The following COL5A1 variants were observed in gnomAD, a reference collection of about 807,000 sequenced individuals.
COL5A1 encodes the protein collagen alpha-1(V) chain.
A neutral mutation model predicts 263.7 loss-of-function variants in COL5A1; 16 were observed. The ratio of observed to expected loss-of-function variants is 0.06; its 90% CI spans 0.04 to 0.09. The LOEUF (loss-of-function observed/expected upper bound fraction) is 0.09, where lower values mean the gene tolerates loss of function less well. Among genes scored for constraint, COL5A1 ranks in the 10% least tolerant of loss-of-function variants. The pLI, the probability that COL5A1 is intolerant of heterozygous loss-of-function variation, is 1.00. For synonymous variants in COL5A1, 1,012 were observed against 1,004.5 expected (o/e 1.01, Z -0.14); for missense variants, 2,036 against 2,540.5 (o/e 0.80, Z 4.27).
In COL5A1 at chr9:134,793,438, C is replaced by A. The variant is rs568491423; in HGVS notation, c.2701-1644C>A. On this transcript the variant is annotated intron_variant, in intron 32 of 65. Transcript: ENST00000371817. ...GTCACAGGGACTCGAGATTCTTTGG[C>A]TTGAGTTAGTTTATAAAGAAAACAG... Among the ~76,000 whole-genome samples, 4 of 152,150 alleles carry A rather than the reference C, an allele frequency of 2.6e-5. 1 individual carries two copies. The South Asian group carries it at 8.3e-4, about 32-fold the overall frequency.
rs879308192 is a variant in COL5A1 at position 134,652,403 on chromosome 9, T to A, written c.109+10107T>A. Among the ~76,000 whole-genome samples, 1 of 44,464 alleles carries A rather than the reference T, an allele frequency of 2.2e-5. No homozygotes were observed. Among genetic ancestry groups the A allele is most frequent in the African/African-American group, 8.5e-5 (1 of 11,698 alleles). The allele number at this position is 44,464 out of a possible 152,430, so 29.2% of individuals were successfully genotyped here. A position where few individuals can be genotyped will look rare whatever the true frequency, so the allele number is the denominator to read the frequency against. On this transcript the variant is annotated intron_variant, in intron 1 of 65. Coordinates refer to ENST00000371817, the MANE Select transcript of COL5A1 (RefSeq NM_000093.5). This position sits in a 1 kb window ranked among gnomAD's most constrained non-coding sequence, Gnocchi z 4.4. Reference sequence around the variant, plus strand: ...GAGCCATCGGGAGAGGGAGAGGGGGTGGGAGGGCAGGGGAGCGACTGTCCT... The same window carrying A: ...GAGCCATCGGGAGAGGGAGAGGGGGAGGGAGGGCAGGGGAGCGACTGTCCT...
chr9:134,720,367 G>A lies in COL5A1; in HGVS notation c.655-6899G>A, dbSNP rs575818075. Among the ~76,000 whole-genome samples the A allele has an allele frequency of 2.3e-4, 35 of 152,312 alleles. No homozygotes were observed. In the South Asian group the frequency reaches 3.7e-3, roughly 16 times the overall value. On this transcript the variant is annotated intron_variant, in intron 4 of 65. Transcript: ENST00000371817. ...CCAGCACCTCCCGCCGGCCAGTGCC[G>A]GGCAAGGCTCCACCAGGAGAGGAGG...
Position 134,811,356 on chromosome 9 carries a change from A to T in COL5A1, c.3546A>T (p.Thr1182=), listed in dbSNP as rs769868019. Residue 1182 remains threonine, a synonymous_variant, in exon 45 of 66, where the codon ACA becomes ACT. Transcript: ENST00000371817. ...DKGEQGPPGP[T]GPQGPIGQPG... ...CCCCGCAGGGTCCTCCTGGGCCTAC[A>T]GGTCCTCAAGGCCCCATCGGACAGC... 6.2e-7 allele frequency: 1 copy of T among 1,611,066 alleles called. No homozygotes were observed. The highest frequency in any genetic ancestry group is 8.5e-7 in the Non-Finnish European group (1 of 1,178,936).
intron 37 of COL5A1, among the ~76,000 whole-genome samples, chr9:134,799,261 C>T (rs879663757): frequency 1.6e-4 from 24 of 152,326 alleles, no homozygotes; most frequent in African/African-American, 4.8e-4. Flanking sequence ...ATCAGCCCTT[C>T]GAAATTTGGC....
At chr9:134,762,245 C>A (rs540384042) in intron 19 of COL5A1, among the ~76,000 whole-genome samples, 1 of 152,254 alleles carries the variant, frequency 6.6e-6, no homozygotes, top group African/African-American at 2.4e-5. Flanking sequence ...GCTCTCAGCT[C>A]TCACTGCAGG....
At chr9:134,749,601 TCTCA>T (rs1835701612) in intron 11 of COL5A1, among the ~76,000 whole-genome samples, 1 of 152,180 alleles carries the variant, frequency 6.6e-6, no homozygotes, top group Non-Finnish European at 1.5e-5. Flanking sequence ...GCAGGGAGCG[TCTCA>T]CTCAGGTGGT....
At position 134,754,416 on chromosome 9, in the gene COL5A1, C is replaced by G; in HGVS notation, c.1827+90C>G. On this transcript the variant is annotated intron_variant, in intron 16 of 65. Transcript: ENST00000371817. The surrounding 1 kb of genome is among the most constrained non-coding windows in gnomAD (Gnocchi z 4.3). ...GGGTGCGGGCACCCCCAACAGCCAG[C>G]TGGGCCACATGAAGCCAGGTGGCTC... 2 of 1,461,386 alleles carry G rather than the reference C, an allele frequency of 1.4e-6. No individual in the cohort carries two copies. Among genetic ancestry groups the G allele is most frequent in the Non-Finnish European group, 1.9e-6 (2 of 1,042,792 alleles). The allele number at this position is 1,461,386 out of a possible 1,614,324, so 90.5% of individuals were successfully genotyped here.
chr9:134,662,069 G>A (rs936639181), intron 1 of COL5A1, among the ~76,000 whole-genome samples: 5 of 149,208 alleles, frequency 3.4e-5, no homozygotes, highest in African/African-American at 1.2e-4. Context: ...CTGAGTTTAA[G>A]CCCAAATGAA....
chr9:134,781,708 G>A (rs1420741985), intron 28 of COL5A1, among the ~76,000 whole-genome samples: 2 of 152,186 alleles, frequency 1.3e-5, no homozygotes, highest in African/African-American at 2.4e-5. Context: ...CCAAGGGACC[G>A]TCTTTGTGGA....
intron 64 of COL5A1, among the ~76,000 whole-genome samples, chr9:134,832,092 C>A (rs893037371): frequency 6.6e-6 from 1 of 152,042 alleles, no homozygotes; most frequent in Non-Finnish European, 1.5e-5. Flanking sequence ...TACCAAGACT[C>A]CATCTCTATT....
rs796216814 is a variant in COL5A1 at position 134,804,673 on chromosome 9, G to A, written c.3115-302G>A. On this transcript the variant is annotated intron_variant, in intron 39 of 65. Transcript: ENST00000371817. ...GTGGAGGCTCAGGCTGTGCTCCCAC[G>A]TGTGGGCTGCTGAGTCCAGTCACGA... Among the ~76,000 whole-genome samples the A allele has an allele frequency of 1.3e-4, 20 of 152,346 alleles. 1 individual carries two copies. Among genetic ancestry groups the A allele is most frequent in the African/African-American group, 4.1e-4 (17 of 41,594 alleles).
At position 134,758,389 on chromosome 9, in the gene COL5A1, C is replaced by T; in HGVS notation, c.1935+93C>T. On this transcript the variant is annotated intron_variant, in intron 18 of 65. Transcript: ENST00000371817. The surrounding 1 kb of genome is among the most constrained non-coding windows in gnomAD (Gnocchi z 4.1). ...CTCCTTCCAGGCAGCCTCAGATTTC[C>T]TGTGGGGTCAGGTCTCCGCCATTCC... 1.5e-6 allele frequency: 2 copies of T among 1,335,992 alleles called. No individual in the cohort carries two copies. The highest frequency in any genetic ancestry group is 2.1e-6 in the Non-Finnish European group (2 of 932,942). 82.8% of individuals were successfully genotyped at this position (1,335,992 alleles called of 1,614,324 possible). A position where few individuals can be genotyped will look rare whatever the true frequency, so the allele number is the denominator to read the frequency against.
rs1367733017 is a variant in COL5A1, at chr9:134,754,547, C to T, written c.1827+221C>T. 2.0e-5 allele frequency among the ~76,000 whole-genome samples: 3 copies of T among 152,238 alleles called. No homozygotes were observed. Among genetic ancestry groups the T allele is most frequent in the African/African-American group, 7.2e-5 (3 of 41,460 alleles). On this transcript the variant is annotated intron_variant, in intron 16 of 65. Transcript: ENST00000371817. The surrounding 1 kb of genome is among the most constrained non-coding windows in gnomAD (Gnocchi z 4.3). Reference sequence around the variant, plus strand: ...CAGACACAGCGGACCAGGCCTCTTCCCTGGGCACATTCATTTAGTTTAATA... The same window carrying T: ...CAGACACAGCGGACCAGGCCTCTTCTCTGGGCACATTCATTTAGTTTAATA...
chr9:134,706,604 A>C (rs909221050), intron 4 of COL5A1, among the ~76,000 whole-genome samples: 4 of 152,168 alleles, frequency 2.6e-5, no homozygotes, highest in Non-Finnish European at 5.9e-5. Flanking sequence ...TCACTTGCCT[A>C]AGGTCACTCA....
intron 46 of COL5A1, among the ~76,000 whole-genome samples, chr9:134,811,908 A>G (rs1322313035): frequency 6.6e-6 from 1 of 152,208 alleles, no homozygotes; most frequent in East Asian, 1.9e-4. Context: ...ACATTTGGGC[A>G]TGTTTCATGG....
intron 58 of COL5A1, 56 bp from the exon 59 acceptor site, chr9:134,822,041 C>G: frequency 6.7e-7 from 1 of 1,500,682 alleles, no homozygotes. Context: ...AGGGTTGCAG[C>G]CCCGCAGCTC....
rs919643959 is a variant in COL5A1, at chr9:134,652,262, G to T, written c.109+9966G>T. On this transcript the variant is annotated intron_variant, in intron 1 of 65. Transcript: ENST00000371817. The surrounding 1 kb of genome is among the most constrained non-coding windows in gnomAD (Gnocchi z 4.4). Reference sequence around the variant, plus strand: ...GAGCAGTGGAGATACTCAGCTGAAGGTTGAGAACACACAGGGCGTCCTTGG... The same window carrying T: ...GAGCAGTGGAGATACTCAGCTGAAGTTTGAGAACACACAGGGCGTCCTTGG... 1.3e-5 allele frequency among the ~76,000 whole-genome samples: 2 copies of T among 152,180 alleles called. No homozygotes were observed. The highest frequency in any genetic ancestry group is 6.5e-5 in the Admixed American group (1 of 15,290).
rs908887036 is a variant in COL5A1 at position 134,758,486 on chromosome 9, G to T, written c.1935+190G>T. ...CCCAAGATGATGTCTTTGTTGATGG[G>T]TGGCCAGCCCAAAGGAATTGGAGCT... On this transcript the variant is annotated intron_variant, in intron 18 of 65. Transcript: ENST00000371817. The surrounding 1 kb of genome is among the most constrained non-coding windows in gnomAD (Gnocchi z 4.1). 2.0e-5 allele frequency among the ~76,000 whole-genome samples: 3 copies of T among 152,164 alleles called. No individual in the cohort carries two copies. Among genetic ancestry groups the T allele is most frequent in the African/African-American group, 7.2e-5 (3 of 41,434 alleles).
Position 134,682,478 on chromosome 9 carries a change from G to A in COL5A1, c.110-8434G>A, listed in dbSNP as rs1832891247. On this transcript the variant is annotated intron_variant, in intron 1 of 65. Coordinates refer to ENST00000371817, the MANE Select transcript of COL5A1 (RefSeq NM_000093.5). The surrounding 1 kb of genome is among the most constrained non-coding windows in gnomAD (Gnocchi z 5.1). ...GACCGACGGAGCCAGCCCAGTGCCA[G>A]GGACAGAGTTGGAAATAACCTTCTA... is the stretch of plus-strand genomic sequence containing the variant. Among the ~76,000 whole-genome samples the A allele has an allele frequency of 1.3e-5, 2 of 152,222 alleles. No individual in the cohort carries two copies. Among genetic ancestry groups the A allele is most frequent in the Non-Finnish European group, 2.9e-5 (2 of 68,044 alleles).
Sources: gnomAD v4.1 joint callset for allele counts (sites outside exome capture counted in the v4.1 genomes callset) on GRCh38, gnomAD v4.1.1 for gene constraint, Gnocchi (gnomAD v3.1) non-coding constraint, MANE v1.5 for transcripts, NCBI Gene and HGNC (gene_info 2026-07-23, HGNC 2026-07-21) for gene names.